The following THSD4 variants were observed in gnomAD, a reference collection of about 807,000 sequenced individuals.
THSD4 encodes thrombospondin type 1 domain containing 4, also known as thrombospondin type-1 domain-containing protein 4.
A neutral mutation model predicts 119.0 loss-of-function variants in THSD4; 69 were observed. That is an observed-to-expected ratio of 0.58 (90% confidence interval 0.48 to 0.71). The LOEUF (loss-of-function observed/expected upper bound fraction) is 0.71, where lower values mean the gene tolerates loss of function less well. Among genes scored for constraint, THSD4 ranks in the 30% least tolerant of loss-of-function variants. The probability of loss-of-function intolerance (pLI) is 0.00; values close to 1 mark genes in which losing one functional copy is unlikely to be tolerated. For synonymous variants in THSD4, 524 were observed against 540.4 expected, an observed-to-expected ratio of 0.97 and a Z score of 0.42; for missense variants, 1,393 against 1,391.1, an observed-to-expected ratio of 1.00 and a Z score of -0.02.
At chr15:71,624,905 C>T (rs1434055752) in intron 7 of THSD4, among the ~76,000 whole-genome samples, 5 of 152,176 alleles carry the variant, frequency 3.3e-5, no homozygotes, top group Non-Finnish European at 5.9e-5. Flanking sequence ...CTGGACTTCA[C>T]CTCCTAAAGA....
At chr15:71,594,316 C>A (rs1375978870) in intron 7 of THSD4, among the ~76,000 whole-genome samples, 1 of 152,030 alleles carries the variant, frequency 6.6e-6, no homozygotes, top group African/African-American at 2.4e-5. Context: ...TCAAACTATT[C>A]TCCTGCCTCA....
intron 6 of THSD4, chr15:71,348,616 A>G (rs1192075184): frequency 6.6e-6 from 1 of 152,204 alleles, no homozygotes; most frequent in Non-Finnish European, 1.5e-5. Context: ...AAGAAGGGAC[A>G]ACTCTCTGTT....
At chr15:71,226,936 T>C (rs2044022247) in intron 4 of THSD4, among the ~76,000 whole-genome samples, 1 of 152,244 alleles carries the variant, frequency 6.6e-6, no homozygotes, top group Admixed American at 6.5e-5. Flanking sequence ...TGTTTTTTTT[T>C]ACCTTCTGAA....
rs202059893 is a variant in THSD4, at chr15:71,765,133, C to T, written c.2703C>T (p.Pro901=). Residue 901 remains proline (P), a synonymous_variant, in exon 16 of 18, where the codon CCC becomes CCT. Coordinates refer to ENST00000261862, the MANE Select transcript of THSD4 (RefSeq NM_024817.3). ...DPSECSFLEK[P]PSQQSCHLKP... is the part of the protein sequence containing the mutation. The stretch of plus-strand genomic sequence containing the variant: ...CTGAATGTTCTTTCCTGGAGAAACC[C>T]CCCAGCCAGCAATCCTGCCACCTCA... The T allele has an allele frequency of 1.9e-6, 3 of 1,614,186 alleles. No individual in the cohort carries two copies. Among genetic ancestry groups the T allele is most frequent in the Non-Finnish European group, 2.5e-6 (3 of 1,180,038 alleles).
At chr15:71,584,025 G>A (rs931138918) in intron 7 of THSD4, among the ~76,000 whole-genome samples, 1 of 152,014 alleles carries the variant, frequency 6.6e-6, no homozygotes, top group African/African-American at 2.4e-5. Flanking sequence ...TATTATTATT[G>A]TAATGCTGTC....
At chr15:71,736,545 C>T (rs1171343831) in intron 10 of THSD4, among the ~76,000 whole-genome samples, 1 of 151,902 alleles carries the variant, frequency 6.6e-6, no homozygotes, top group East Asian at 1.9e-4. Context: ...CTCTCTGTCT[C>T]TCTCTCTCGC....
intron 7 of THSD4, among the ~76,000 whole-genome samples, chr15:71,415,733 A>G (rs2046751412): frequency 6.6e-6 from 1 of 151,984 alleles, no homozygotes; most frequent in Non-Finnish European, 1.5e-5. Flanking sequence ...CTCTATCTCC[A>G]TGAGTTCAAT....
rs541790654 is a variant in THSD4 at position 71,520,157 on chromosome 15, A to G, written c.1152+108334A>G. On this transcript the variant is annotated intron_variant, in intron 7 of 17. Transcript: ENST00000261862. ...TTAAGAAACTTGTAGCAAGTAAGCA[A>G]TATGGCTGGGATGGCATTACTAATT... Among the ~76,000 whole-genome samples the G allele has an allele frequency of 4.6e-5, 7 of 152,230 alleles. No homozygotes were observed. In the East Asian group the frequency reaches 7.7e-4, roughly 17 times the overall value.
chr15:71,627,101 T>G (rs2050524581), intron 7 of THSD4, among the ~76,000 whole-genome samples: 1 of 151,940 alleles, frequency 6.6e-6, no homozygotes, highest in Non-Finnish European at 1.5e-5. Context: ...TAGGTGTTCA[T>G]GGAAGAAAAG....
At chr15:71,609,276 G>A (rs934420717) in intron 7 of THSD4, among the ~76,000 whole-genome samples, 5 of 152,194 alleles carry the variant, frequency 3.3e-5, no homozygotes, top group African/African-American at 4.8e-5. Flanking sequence ...ACAAGCCACT[G>A]CAGGACTTTC....
chr15:71,439,357 A>C (rs536605996), intron 7 of THSD4, among the ~76,000 whole-genome samples: 11 of 152,304 alleles, frequency 7.2e-5, no homozygotes, highest in Admixed American at 2.6e-4. Context: ...TAGTAATTAT[A>C]GTGCTTAAGA....
At chr15:71,586,721 G>A (rs979804437) in intron 7 of THSD4, among the ~76,000 whole-genome samples, 1 of 152,178 alleles carries the variant, frequency 6.6e-6, no homozygotes, top group East Asian at 1.9e-4. Flanking sequence ...AATTGTGGGA[G>A]CAAACTCCAA....
intron 7 of THSD4, among the ~76,000 whole-genome samples, chr15:71,556,711 G>A (rs1299411516): frequency 6.6e-6 from 1 of 150,734 alleles, no homozygotes; most frequent in Non-Finnish European, 1.5e-5. Context: ...GCTGCAGTGA[G>A]CCATGATCAT....
chr15:71,586,187 T>C (rs1294818596), intron 7 of THSD4, among the ~76,000 whole-genome samples: 1 of 152,176 alleles, frequency 6.6e-6, no homozygotes, highest in Non-Finnish European at 1.5e-5. Flanking sequence ...CCTCTTCTAG[T>C]CTTTTCCATC....
At chr15:71,533,211 C>G (rs958562809) in intron 7 of THSD4, among the ~76,000 whole-genome samples, 1 of 152,146 alleles carries the variant, frequency 6.6e-6, no homozygotes, top group South Asian at 2.1e-4. Context: ...CTTCTTATTA[C>G]GTAAGTATTG....
At chr15:71,284,737 AG>A (rs1295636892) in intron 6 of THSD4, among the ~76,000 whole-genome samples, 3 of 152,178 alleles carry the variant, frequency 2.0e-5, no homozygotes, top group Middle Eastern at 3.2e-3. Flanking sequence ...GAAAGAAAAA[AG>A]TTTCCTAAAT....
chr15:71,542,802 G>A (rs1415162611), intron 7 of THSD4, among the ~76,000 whole-genome samples: 1 of 151,856 alleles, frequency 6.6e-6, no homozygotes, highest in African/African-American at 2.4e-5. Context: ...GCGTGAACCC[G>A]GGAGGCGGAG....
chr15:71,675,798 A>G (rs1194785163), intron 8 of THSD4, among the ~76,000 whole-genome samples: 1 of 152,192 alleles, frequency 6.6e-6, no homozygotes, highest in Admixed American at 6.5e-5. Flanking sequence ...CACAGGCCTC[A>G]CTTATGACCT....
chr15:71,256,118 G>C (rs1362125100), intron 5 of THSD4, among the ~76,000 whole-genome samples: 1 of 152,214 alleles, frequency 6.6e-6, no homozygotes, highest in Admixed American at 6.5e-5. Context: ...TAAACTTTTT[G>C]ATGCAGGTTT....
Sources: allele counts gnomAD v4.1 joint callset (sites outside exome capture counted in the v4.1 genomes callset), GRCh38; gene constraint gnomAD v4.1.1; transcripts MANE v1.5; gene names NCBI Gene and HGNC (gene_info 2026-07-23, HGNC 2026-07-21).